The following ZNF517 variants were observed in gnomAD, a reference collection of about 807,000 sequenced individuals.
ZNF517 encodes the protein zinc finger protein 517.
ZNF517 carries 12 observed loss-of-function variants against 12.1 expected under a neutral mutation model. The ratio of observed to expected loss-of-function variants is 0.99; its 90% CI spans 0.63 to 1.61. The LOEUF is 1.61. Among genes scored for constraint, ZNF517 ranks in the 40% most tolerant of loss-of-function variants. ZNF517 has a pLI of 0.00. For synonymous variants in ZNF517, 388 were observed against 310.2 expected, an observed-to-expected ratio of 1.25 and a Z score of -2.63; for missense variants, 781 against 693.2, an observed-to-expected ratio of 1.13 and a Z score of -1.42.
At chr8:144,804,331 G>T (rs943438374) in intron 4 of ZNF517, 93 bp downstream of exon 4, 53 of 894,414 alleles carry the variant, frequency 5.9e-5, no homozygotes, top group Non-Finnish European at 8.6e-5. Flanking sequence ...ACAGTGGGAG[G>T]TGTGTATGTT....
In ZNF517 at chr8:144,808,461, G is replaced by A. The variant is rs569590474; in HGVS notation, c.*66G>A. The A allele has an allele frequency of 8.9e-5, 127 of 1,419,500 alleles. No individual in the cohort carries two copies. Among genetic ancestry groups the A allele is most frequent in the Non-Finnish European group, 1.1e-4 (122 of 1,086,742 alleles). 87.9% of individuals were successfully genotyped at this position (1,419,500 alleles called of 1,614,324 possible). On this transcript the variant is annotated 3_prime_UTR_variant, in exon 5 of 5. Coordinates refer to ENST00000359971, the MANE Select transcript of ZNF517 (RefSeq NM_213605.3). Reference sequence around the variant, plus strand: ...CCCAAGCCGGCGGGGCCCTAGCGCAGAAATTCAGAACCCCCTGTCCTGAAG... The same window carrying A: ...CCCAAGCCGGCGGGGCCCTAGCGCAAAAATTCAGAACCCCCTGTCCTGAAG...
rs1827320128 is a variant in ZNF517, at chr8:144,807,668, A to C, written c.752A>C (p.His251Pro). ...CGGCAGAGCACGCAGCTGGCTGCCCACCACCGCGTCCACACCCGCGAGCGG... is the reference window on the plus strand; with the variant it reads ...CGGCAGAGCACGCAGCTGGCTGCCCCCCACCGCGTCCACACCCGCGAGCGG... ...AFRQSTQLAA[H>P]HRVHTRERPY... Residue 251 changes from histidine (H) to proline (P), a missense_variant, in exon 5 of 5, where the codon CAC becomes CCC. Transcript: ENST00000359971. The C allele has an allele frequency of 1.9e-6, 3 of 1,607,460 alleles. No individual in the cohort carries two copies. The highest frequency in any genetic ancestry group is 2.7e-5 in the African/African-American group (2 of 73,914).
chr8:144,804,883 T>A (rs1827145039), intron 4 of ZNF517, among the ~76,000 whole-genome samples: 1 of 152,226 alleles, frequency 6.6e-6, no homozygotes, highest in Non-Finnish European at 1.5e-5. Context: ...CTAATTCTGT[T>A]ACTGCTGTCT....
In ZNF517 at chr8:144,807,507, C is replaced by T. The variant is rs761421674; in HGVS notation, c.591C>T (p.Ile197=). 42 of 1,591,956 alleles carry T rather than the reference C, an allele frequency of 2.6e-5. No individual in the cohort carries two copies. Among genetic ancestry groups the T allele is most frequent in the Admixed American group, 1.1e-4 (6 of 56,770 alleles). ...RYNSLLLRHQ[I]IHTGAKPFQC... is the part of the protein sequence containing the mutation. ...ACTCGCTGCTTCTCAGGCACCAGAT[C>T]ATCCACACCGGCGCCAAGCCCTTCC... The change falls in exon 5 of 5, where the codon ATC becomes ATT. Residue 197 remains isoleucine (I), a synonymous_variant. Coordinates refer to ENST00000359971, the MANE Select transcript of ZNF517 (RefSeq NM_213605.3).
At chr8:144,805,955 A>G (rs1173242356) in intron 4 of ZNF517, among the ~76,000 whole-genome samples, 1 of 152,222 alleles carries the variant, frequency 6.6e-6, no homozygotes, top group Non-Finnish European at 1.5e-5. Context: ...ATAAAGAGTA[A>G]TGCTACAAGC....
chr8:144,806,671 G>T lies in ZNF517; in HGVS notation c.275-520G>T, dbSNP rs528117982. Reference sequence around the variant, plus strand: ...AGATAATTTTTGTATTTTTAGTAGAGATGGGGTTTCACCGTGTTGGCCAAG... The same window carrying T: ...AGATAATTTTTGTATTTTTAGTAGATATGGGGTTTCACCGTGTTGGCCAAG... On this transcript the variant is annotated intron_variant, in intron 4 of 4. Transcript: ENST00000359971. Among the ~76,000 whole-genome samples the T allele has an allele frequency of 3.3e-5, 5 of 152,058 alleles. No homozygotes were observed. The South Asian group carries it at 1.0e-3, about 32-fold the overall frequency.
chr8:144,804,124 G>A lies in ZNF517; in HGVS notation c.161-1G>A, dbSNP rs1827107389. ...GTGCTGCTTTCCTTCTCTGAGCTTA[G>A]GCTTTCTTGTTGCCAAACCAGCACT... On this transcript the variant is annotated splice_acceptor_variant, in intron 3 of 4. Transcript: ENST00000359971. LOFTEE classifies it high-confidence loss of function. 6.2e-7 allele frequency: 1 copy of A among 1,613,830 alleles called. No individual in the cohort carries two copies. Among genetic ancestry groups the A allele is most frequent in the Admixed American group, 1.7e-5 (1 of 59,980 alleles).
chr8:144,801,206 C>A (rs1000621377), intron 1 of ZNF517, among the ~76,000 whole-genome samples: 3 of 152,188 alleles, frequency 2.0e-5, no homozygotes, highest in Admixed American at 6.5e-5. Flanking sequence ...TAGACGGCTC[C>A]AGCTCTACAG....
intron 2 of ZNF517, chr8:144,803,250 T>C (rs982030226): frequency 3.8e-5 from 19 of 496,030 alleles, no homozygotes; most frequent in South Asian, 2.5e-4. Flanking sequence ...CTGGTGTGAA[T>C]GGTCAGCCCA....
At chr8:144,810,503 G>C (rs1482164282), downstream of ZNF517, 5 of 367,744 alleles carry the variant, frequency 1.4e-5, no homozygotes, top group Non-Finnish European at 1.5e-5. Context: ...GGGACATGGT[G>C]GGGGAGGCTG....
downstream of ZNF517, among the ~76,000 whole-genome samples, chr8:144,812,611 TTCCGTGTCTCACCAG>T (rs1586771265): frequency 6.6e-6 from 1 of 152,304 alleles, no homozygotes; most frequent in East Asian, 1.9e-4. Context: ...GCTGGGGGGA[TTCCGTGTCTCACCAG>T]GAGACTCAGG....
downstream of ZNF517, among the ~76,000 whole-genome samples, chr8:144,813,228 A>C: frequency 6.6e-6 from 1 of 151,504 alleles, no homozygotes; most frequent in Admixed American, 6.6e-5. Context: ...AGGCAGGAGA[A>C]TCGCTTGAAC....
chr8:144,806,673 T>C (rs992530530), intron 4 of ZNF517, among the ~76,000 whole-genome samples: 4 of 151,836 alleles, frequency 2.6e-5, no homozygotes, highest in African/African-American at 7.3e-5. Context: ...TTAGTAGAGA[T>C]GGGGTTTCAC....
intron 1 of ZNF517, among the ~76,000 whole-genome samples, chr8:144,800,153 C>G (rs1199047681): frequency 6.6e-6 from 1 of 151,622 alleles, no homozygotes; most frequent in African/African-American, 2.4e-5. Context: ...CTTCCAGACC[C>G]CAGTTAAATG....
chr8:144,805,174 C>G (rs1227033520), intron 4 of ZNF517, among the ~76,000 whole-genome samples: 1 of 152,256 alleles, frequency 6.6e-6, no homozygotes, highest in Non-Finnish European at 1.5e-5. Flanking sequence ...TTCCCAGGCA[C>G]TGGCGTTACC....
chr8:144,803,806 C>T lies in ZNF517; in HGVS notation c.160+39C>T, dbSNP rs780725619. On this transcript the variant is annotated intron_variant, in intron 3 of 4. Coordinates refer to ENST00000359971, the MANE Select transcript of ZNF517 (RefSeq NM_213605.3). ...CCTTTGGTCCTGGGGCCGGGAGGTGCGTCTGTGTTAGCTTCAAAGGAAGTT... is the reference window on the plus strand; with the variant it reads ...CCTTTGGTCCTGGGGCCGGGAGGTGTGTCTGTGTTAGCTTCAAAGGAAGTT... 12 of 1,601,922 alleles carry T rather than the reference C, an allele frequency of 7.5e-6. No individual in the cohort carries two copies. In the East Asian group the frequency reaches 1.1e-4, roughly 15 times the overall value.
At position 144,808,771 on chromosome 8, in the gene ZNF517, A is replaced by G. The variant is rs1356738402; in HGVS notation, c.*376A>G. ...CCGGCCCGGGTCTTCGTGCAGAACC[A>G]TTGGGCACAGCCAGGCCTTAGCGCC... On this transcript the variant is annotated 3_prime_UTR_variant, in exon 5 of 5. Coordinates refer to ENST00000359971, the MANE Select transcript of ZNF517 (RefSeq NM_213605.3). The G allele has an allele frequency of 6.2e-5, 11 of 176,572 alleles. No homozygotes were observed. Among genetic ancestry groups the G allele is most frequent in the Non-Finnish European group, 3.5e-5 (3 of 84,678 alleles). 10.9% of individuals were successfully genotyped at this position (176,572 alleles called of 1,614,324 possible).
Position 144,807,777 on chromosome 8 carries a change from G to A in ZNF517, c.861G>A (p.Lys287=), listed in dbSNP as rs760836241. 1.2e-6 allele frequency: 2 copies of A among 1,612,206 alleles called. No homozygotes were observed. Among genetic ancestry groups the A allele is most frequent in the Non-Finnish European group, 8.5e-7 (1 of 1,179,558 alleles). The change falls in exon 5 of 5, where the codon AAG becomes AAA. Residue 287 remains lysine (K), a synonymous_variant. Transcript: ENST00000359971. ...ACCAGAAGTTCCACACCGGGGAGAA[G>A]CCCTTCGCGTGCACAGAGTGCGGCA... is the stretch of plus-strand genomic sequence containing the variant. ...LQHQKFHTGE[K]PFACTECGKA...
rs1403422312 is a variant in ZNF517 at position 144,807,399 on chromosome 8, G to C, written c.483G>C (p.Arg161Ser). The change falls in exon 5 of 5, where the codon AGG becomes AGC. Residue 161 changes from arginine (R) to serine (S), a missense_variant. Physicochemically the swap from Arg to Ser is moderately radical, Grantham distance 110. Coordinates refer to ENST00000359971, the MANE Select transcript of ZNF517 (RefSeq NM_213605.3). ...CTCGGGAGCACAGCGCCTCCCCAAG[G>C]GTTCTGCAGGAAGACCTGGGCCGGC... ...PRAREHSASP[R>S]VLQEDLGRPV... 1 of 1,560,908 alleles carries C rather than the reference G, an allele frequency of 6.4e-7. No individual in the cohort carries two copies. The highest frequency in any genetic ancestry group is 1.2e-5 in the South Asian group (1 of 85,470).
Sources: gnomAD v4.1 joint callset for allele counts (sites outside exome capture counted in the v4.1 genomes callset) on GRCh38, gnomAD v4.1.1 for gene constraint, MANE v1.5 for transcripts, NCBI Gene and HGNC (gene_info 2026-07-23, HGNC 2026-07-21) for gene names.